The following PTCHD4 variants were observed in gnomAD, a reference collection of about 807,000 sequenced individuals.
PTCHD4 encodes patched domain-containing protein 4.
PTCHD4 carries 33 observed loss-of-function variants against 58.1 expected under a neutral mutation model. That is an observed-to-expected ratio of 0.57 (90% CI 0.43 to 0.76). The LOEUF (loss-of-function observed/expected upper bound fraction) is 0.76. Among genes scored for constraint, PTCHD4 ranks in the 30% least tolerant of loss-of-function variants. PTCHD4 has a pLI of 0.00. For synonymous variants in PTCHD4, 478 were observed against 409.6 expected, an observed-to-expected ratio of 1.17 and a Z score of -2.02; for missense variants, 1,058 against 1,027.1, an observed-to-expected ratio of 1.03 and a Z score of -0.41.
In PTCHD4 at chr6:47,863,741, T is replaced by C. The variant is rs1302425167; in HGVS notation, c.*14562A>G. On this transcript the variant is annotated 3_prime_UTR_variant, in exon 5 of 5. Transcript: ENST00000339488. ...GTCTATAACAGGACTTCTCTGAAAA[T>C]GACACATTCTTTTATACTCTACGCC... Among the ~76,000 whole-genome samples the C allele has an allele frequency of 1.3e-5, 2 of 152,072 alleles. No individual in the cohort carries two copies. The highest frequency in any genetic ancestry group is 1.9e-4 in the East Asian group (1 of 5,138).
intron 4 of PTCHD4, among the ~76,000 whole-genome samples, chr6:47,941,214 C>A (rs1766208890): frequency 6.6e-6 from 1 of 152,082 alleles, no homozygotes; most frequent in Non-Finnish European, 1.5e-5. Flanking sequence ...ACTTTTGGGA[C>A]ATTGAAGAAA....
Position 47,875,569 on chromosome 6 carries a change from C to T in PTCHD4, c.*2734G>A, listed in dbSNP as rs564691272. Among the ~76,000 whole-genome samples the T allele has an allele frequency of 2.0e-5, 3 of 151,958 alleles. No homozygotes were observed. Among genetic ancestry groups the T allele is most frequent in the African/African-American group, 2.4e-5 (1 of 41,510 alleles). ...TGCTACAGTTCTCTAAAGAGTACTACGGTGTCCTGGAAAAGATAATGTTCC... is the reference window on the plus strand; with the variant it reads ...TGCTACAGTTCTCTAAAGAGTACTATGGTGTCCTGGAAAAGATAATGTTCC... On this transcript the variant is annotated 3_prime_UTR_variant, in exon 5 of 5. Transcript: ENST00000339488.
At chr6:47,880,107 C>A (rs1763976923) in intron 4 of PTCHD4, among the ~76,000 whole-genome samples, 171 bp from the exon 5 acceptor site, 1 of 152,088 alleles carries the variant, frequency 6.6e-6, no homozygotes, top group African/African-American at 2.4e-5. Flanking sequence ...TACATTTGGT[C>A]CCTGTTTCAC....
At chr6:47,984,033 A>G (rs922285481) in intron 4 of PTCHD4, among the ~76,000 whole-genome samples, 5 of 152,220 alleles carry the variant, frequency 3.3e-5, no homozygotes, top group Admixed American at 2.6e-4. Flanking sequence ...TGTGACAAAC[A>G]TCATCAATAA....
intron 4 of PTCHD4, among the ~76,000 whole-genome samples, chr6:47,929,290 A>G (rs1488518994): frequency 6.6e-6 from 1 of 152,230 alleles, no homozygotes; most frequent in African/African-American, 2.4e-5. Context: ...TAGCAGAAGT[A>G]AAAAGTTCTA....
chr6:48,037,222 A>G (rs1763671044), intron 3 of PTCHD4, among the ~76,000 whole-genome samples: 1 of 152,166 alleles, frequency 6.6e-6, no homozygotes, highest in Non-Finnish European at 1.5e-5. Context: ...TTACTACAGT[A>G]TATTGTTATC....
chr6:47,997,041 A>G (rs979323010), intron 4 of PTCHD4, among the ~76,000 whole-genome samples: 17 of 152,192 alleles, frequency 1.1e-4, no homozygotes, highest in African/African-American at 3.6e-4. Flanking sequence ...TCGACTCTTG[A>G]TCATGGCAGG....
chr6:47,960,238 G>A (rs1442756611), intron 4 of PTCHD4, among the ~76,000 whole-genome samples: 5 of 151,984 alleles, frequency 3.3e-5, no homozygotes, highest in African/African-American at 1.2e-4. Flanking sequence ...TAAGCTAACC[G>A]AGGAGATAAG....
chr6:47,924,671 C>G (rs1765538553), intron 4 of PTCHD4, among the ~76,000 whole-genome samples: 1 of 152,178 alleles, frequency 6.6e-6, no homozygotes, highest in Non-Finnish European at 1.5e-5. Flanking sequence ...AGAACGGGTT[C>G]AAGAACTTTG....
At chr6:47,880,295 CCTT>C (rs1450632849) in intron 4 of PTCHD4, among the ~76,000 whole-genome samples, 1 of 152,174 alleles carries the variant, frequency 6.6e-6, no homozygotes, top group Admixed American at 6.5e-5. Context: ...TATTTGTGCG[CCTT>C]CAAATGACCC....
At chr6:48,108,958 T>C (rs778496314) in intron 1 of PTCHD4, among the ~76,000 whole-genome samples, 5 of 151,994 alleles carry the variant, frequency 3.3e-5, no homozygotes, top group Non-Finnish European at 7.4e-5. Flanking sequence ...ATTACAGATG[T>C]TGAGAAAATG....
At chr6:47,929,058 C>T (rs148019742) in intron 4 of PTCHD4, among the ~76,000 whole-genome samples, 415 of 152,010 alleles carry the variant, frequency 2.7e-3, no homozygotes, top group Middle Eastern at 0.01. Flanking sequence ...TAGAATGAGG[C>T]TATTATTATA....
intron 1 of PTCHD4, among the ~76,000 whole-genome samples, chr6:48,102,296 T>A (rs568554809): frequency 6.6e-6 from 1 of 152,362 alleles, no homozygotes; most frequent in East Asian, 1.9e-4. Flanking sequence ...AGCCTAGATG[T>A]GAGTGAGGAA....
rs183114564 is a variant in PTCHD4, at chr6:47,921,200, A to G, written c.899-41264T>C. ...TTATTATTAACTCTGACACTTTTCT[A>G]TAAATTATTCAGCATTTTTTTCTTT... is the stretch of plus-strand genomic sequence containing the variant. On this transcript the variant is annotated intron_variant, in intron 4 of 4. Coordinates refer to ENST00000339488, the MANE Select transcript of PTCHD4 (RefSeq NM_001384253.1). Among the ~76,000 whole-genome samples the G allele has an allele frequency of 1.4e-4, 22 of 152,332 alleles. No individual in the cohort carries two copies. The East Asian group carries it at 3.1e-3, about 21-fold the overall frequency.
At chr6:47,996,986 A>G (rs1012471415) in intron 4 of PTCHD4, among the ~76,000 whole-genome samples, 2 of 152,204 alleles carry the variant, frequency 1.3e-5, no homozygotes, top group Non-Finnish European at 2.9e-5. Flanking sequence ...ACCACTTATT[A>G]TTTGCCCCGC....
intron 3 of PTCHD4, among the ~76,000 whole-genome samples, chr6:48,059,945 G>A (rs576827555): frequency 1.8e-3 from 276 of 152,140 alleles, no homozygotes; most frequent in African/African-American, 6.5e-3. Flanking sequence ...CAAGAAAACC[G>A]TTTTTTACCC....
At chr6:48,108,327 C>G (rs567394390) in intron 1 of PTCHD4, among the ~76,000 whole-genome samples, 1 of 152,214 alleles carries the variant, frequency 6.6e-6, no homozygotes, top group Admixed American at 6.5e-5. Flanking sequence ...TGGAAACCAT[C>G]ATTCTCAGCA....
intron 1 of PTCHD4, among the ~76,000 whole-genome samples, chr6:48,071,747 C>T (rs1764979132): frequency 6.6e-6 from 1 of 152,114 alleles, no homozygotes; most frequent in East Asian, 1.9e-4. Flanking sequence ...AGGATCCTAT[C>T]CTGGATACCA....
At chr6:48,018,836 G>GTT (rs1762956481) in intron 3 of PTCHD4, among the ~76,000 whole-genome samples, 4 of 152,182 alleles carry the variant, frequency 2.6e-5, no homozygotes, top group Admixed American at 6.5e-5. Flanking sequence ...CATAAGAGAA[G>GTT]TTGGCCACCA....
Sources: gnomAD v4.1 joint callset for allele counts (sites outside exome capture counted in the v4.1 genomes callset) on GRCh38, gnomAD v4.1.1 for gene constraint, MANE v1.5 for transcripts, NCBI Gene and HGNC (gene_info 2026-07-23, HGNC 2026-07-21) for gene names.